The following SNX25 variants were observed in gnomAD, a reference collection of about 807,000 sequenced individuals.
The protein encoded by SNX25 is sorting nexin-25.
In SNX25, 62 loss-of-function variants were observed where a neutral mutation model predicts 113.7. The observed-to-expected ratio is 0.55, with a 90% confidence interval of 0.44 to 0.67. The LOEUF (loss-of-function observed/expected upper bound fraction) is 0.67. Among genes scored for constraint, SNX25 ranks in the 30% least tolerant of loss-of-function variants. The pLI is 0.00. For missense variants in SNX25, 1,014 were observed against 1,161.0 expected (o/e 0.87, Z 1.84); for synonymous variants, 421 against 436.2 (o/e 0.97, Z 0.43).
intron 6 of SNX25, among the ~76,000 whole-genome samples, chr4:185,290,253 C>T (rs762916152): frequency 2.6e-5 from 4 of 152,186 alleles, no homozygotes; most frequent in Non-Finnish European, 4.4e-5. Context: ...GGGAAGGACA[C>T]GATTCAGCCC....
intron 1 of SNX25, among the ~76,000 whole-genome samples, chr4:185,235,956 T>G (rs1049171746): frequency 3.9e-5 from 6 of 152,336 alleles, no homozygotes; most frequent in African/African-American, 1.4e-4. Context: ...CTTGTCTATG[T>G]TCAGTACAGA....
At chr4:185,300,457 C>T (rs898007763) in intron 6 of SNX25, among the ~76,000 whole-genome samples, 8 of 151,570 alleles carry the variant, frequency 5.3e-5, no homozygotes, top group Admixed American at 1.3e-4. Flanking sequence ...TGTGAGCCAC[C>T]GCGCCTGGCC....
chr4:185,315,420 A>T (rs1167923211), intron 7 of SNX25, among the ~76,000 whole-genome samples: 4 of 150,386 alleles, frequency 2.7e-5, no homozygotes, highest in Non-Finnish European at 5.9e-5. Flanking sequence ...CAGCCTCCCG[A>T]GTACCTGGAA....
Position 185,304,437 on chromosome 4 carries a change from A to C in SNX25, c.1163-6198A>C, listed in dbSNP as rs150003207. Among the ~76,000 whole-genome samples, 777 of 152,180 alleles carry C rather than the reference A, an allele frequency of 5.1e-3. 10 individuals are homozygous for C. Among genetic ancestry groups the C allele is most frequent in the Admixed American group, 0.027 (415 of 15,286 alleles). The stretch of plus-strand genomic sequence containing the variant: ...GAAATGGCGCATCTCGGCTCACCTC[A>C]ACCTCCACCTCCTGGGTTCAAGCAA... On this transcript the variant is annotated intron_variant, in intron 6 of 18. Transcript: ENST00000652585.
chr4:185,362,163 C>G (rs997304891), intron 17 of SNX25, 58 bp downstream of exon 17: 2 of 1,488,636 alleles, frequency 1.3e-6, no homozygotes, highest in Middle Eastern at 1.8e-4. Flanking sequence ...GTGAACCCCA[C>G]TGAGGTGATT....
chr4:185,240,280 A>G (rs371217229), intron 1 of SNX25, among the ~76,000 whole-genome samples: 8,110 of 151,842 alleles, frequency 0.053, 300 homozygotes, highest in African/African-American at 0.098. Flanking sequence ...TGAGCTGTTG[A>G]GTACACCTCC....
downstream of SNX25, among the ~76,000 whole-genome samples, chr4:185,367,497 C>T (rs72712013): frequency 1.8e-3 from 279 of 152,172 alleles, 1 homozygote; most frequent in Middle Eastern, 3.4e-3. Context: ...GGAACTTAAG[C>T]ACCAATGATA....
At chr4:185,225,369 C>G (rs1740837357) in intron 1 of SNX25, among the ~76,000 whole-genome samples, 1 of 152,184 alleles carries the variant, frequency 6.6e-6, no homozygotes, top group Admixed American at 6.5e-5. Context: ...CGTGATCCGC[C>G]CACCTCGGCC....
chr4:185,372,164 C>T (rs985099699), downstream of SNX25, among the ~76,000 whole-genome samples: 3 of 152,044 alleles, frequency 2.0e-5, no homozygotes, highest in Non-Finnish European at 4.4e-5. Context: ...ACTGCATGAC[C>T]GAGGAGTGCA....
At chr4:185,335,227 C>A (rs995769819) in intron 10 of SNX25, among the ~76,000 whole-genome samples, 1 of 151,312 alleles carries the variant, frequency 6.6e-6, no homozygotes, top group Non-Finnish European at 1.5e-5. Flanking sequence ...GGCTGAGACA[C>A]GAGAATCACT....
rs2095376190 is a variant in SNX25, at chr4:185,363,573, A to G, written c.*108A>G. Reference sequence around the variant, plus strand: ...TGAGAACCGTATTGATTTTTATTTTAGTTACCTCCCTCTAGTTTTATGTGA... The same window carrying G: ...TGAGAACCGTATTGATTTTTATTTTGGTTACCTCCCTCTAGTTTTATGTGA... On this transcript the variant is annotated 3_prime_UTR_variant, in exon 19 of 19. Coordinates refer to ENST00000652585, the MANE Select transcript of SNX25 (RefSeq NM_001378034.2). The surrounding 1 kb of genome is among the most constrained non-coding windows in gnomAD (Gnocchi z 4.2). The G allele has an allele frequency of 1.0e-6, 1 of 991,640 alleles. No individual in the cohort carries two copies. Among genetic ancestry groups the G allele is most frequent in the Non-Finnish European group, 1.5e-6 (1 of 650,742 alleles). The allele number at this position is 991,640 out of a possible 1,614,324, so 61.4% of individuals were successfully genotyped here. A position where few individuals can be genotyped will look rare whatever the true frequency, so the allele number is the denominator to read the frequency against.
chr4:185,378,506 A>C, the SNX25 span: 1 of 1,080,106 alleles, frequency 9.3e-7, no homozygotes, highest in Non-Finnish European at 1.1e-6. Flanking sequence ...CAAGTCACCC[A>C]GCACAAGTGT....
chr4:185,357,454 ACT>A (rs773150585), intron 15 of SNX25, among the ~76,000 whole-genome samples: 23 of 152,140 alleles, frequency 1.5e-4, no homozygotes, highest in Non-Finnish European at 2.2e-4. Context: ...CACTGTAAAA[ACT>A]CTGCTTTCAT....
rs745513354 is a variant in SNX25 at position 185,323,700 on chromosome 4, G to A, written c.1649G>A (p.Arg550Lys). Residue 550 changes from arginine (R) to lysine (K), a missense_variant, in exon 9 of 19, where the codon AGG becomes AAG. Transcript: ENST00000652585. ...QEDVYETLKD[R>K]YYPSFIVSDL... Reference sequence around the variant, plus strand: ...GATGTTTATGAGACCCTAAAGGATAGGTATTACCCTTCATTTATTGTCAGT... The same window carrying A: ...GATGTTTATGAGACCCTAAAGGATAAGTATTACCCTTCATTTATTGTCAGT... The A allele has an allele frequency of 2.3e-5, 37 of 1,613,384 alleles. No individual in the cohort carries two copies. The highest frequency in any genetic ancestry group is 2.8e-5 in the Non-Finnish European group (33 of 1,179,612).
intron 7 of SNX25, 81 bp from the exon 8 acceptor site, chr4:185,320,652 G>T: frequency 2.8e-6 from 3 of 1,053,808 alleles, no homozygotes; most frequent in South Asian, 2.5e-5. Flanking sequence ...CCTAAATGTA[G>T]AAATCAGTCC....
chr4:185,311,285 T>C (rs1057035505), intron 7 of SNX25, among the ~76,000 whole-genome samples: 3 of 152,192 alleles, frequency 2.0e-5, no homozygotes, highest in African/African-American at 7.2e-5. Context: ...ACCACATAGA[T>C]AGGAAAAGCT....
chr4:185,279,443 A>G (rs995998461), intron 5 of SNX25, among the ~76,000 whole-genome samples: 1 of 152,204 alleles, frequency 6.6e-6, no homozygotes, highest in Admixed American at 6.5e-5. Context: ...CTGCAACACT[A>G]AAAAGATGGG....
At chr4:185,321,615 C>T (rs2095120671) in intron 8 of SNX25, among the ~76,000 whole-genome samples, 1 of 152,154 alleles carries the variant, frequency 6.6e-6, no homozygotes, top group Non-Finnish European at 1.5e-5. Flanking sequence ...TTGGGGTACA[C>T]ATACATCTTA....
At chr4:185,369,865 G>A (rs995130393) in exon 12 of SNX25, 69 of 391,802 alleles carry the variant, frequency 1.8e-4, no homozygotes, top group South Asian at 2.2e-4. Flanking sequence ...ATGCAGAGAA[G>A]CTTGGGAACC....
Sources: gnomAD v4.1 joint callset for allele counts (sites outside exome capture counted in the v4.1 genomes callset) on GRCh38, gnomAD v4.1.1 for gene constraint, Gnocchi (gnomAD v3.1) non-coding constraint, MANE v1.5 for transcripts, NCBI Gene and HGNC (gene_info 2026-07-23, HGNC 2026-07-21) for gene names.